TSPAN15: variants seen among roughly 807,000 people sequenced by gnomAD.
TSPAN15 encodes tetraspanin-15.
A neutral mutation model predicts 34.5 loss-of-function variants in TSPAN15; 20 were observed. The ratio of observed to expected loss-of-function variants is 0.58; its 90% CI spans 0.41 to 0.84. The LOEUF is 0.84. Among genes scored for constraint, TSPAN15 ranks in the 40% least tolerant of loss-of-function variants. The pLI, the probability that TSPAN15 is intolerant of heterozygous loss-of-function variation, is 0.00. For synonymous variants in TSPAN15, 155 were observed against 153.9 expected, an observed-to-expected ratio of 1.01 and a Z score of -0.05; for missense variants, 313 against 386.1, an observed-to-expected ratio of 0.81 and a Z score of 1.59.
At chr10:69,484,594 C>T (rs780990320) in intron 2 of TSPAN15, among the ~76,000 whole-genome samples, 5 of 152,208 alleles carry the variant, frequency 3.3e-5, no homozygotes, top group Non-Finnish European at 5.9e-5. Flanking sequence ...CACTGTAAAC[C>T]GGGTTTGGGT....
intron 3 of TSPAN15, among the ~76,000 whole-genome samples, chr10:69,488,045 A>G (rs568549223): frequency 2.2e-4 from 34 of 152,326 alleles, no homozygotes; most frequent in Admixed American, 1.5e-3. Flanking sequence ...GATCGCTACA[A>G]TGAAAAAAAT....
chr10:69,516,017 A>G, the TSPAN15 span, among the ~76,000 whole-genome samples: 5 of 152,232 alleles, frequency 3.3e-5, no homozygotes, highest in East Asian at 9.6e-4. Context: ...ATTATTGACT[A>G]AAAGAGTGAT....
the TSPAN15 span, among the ~76,000 whole-genome samples, chr10:69,544,088 C>T: frequency 6.6e-6 from 1 of 152,076 alleles, no homozygotes; most frequent in Non-Finnish European, 1.5e-5. Flanking sequence ...CCCTGTGGAA[C>T]AACCTGAGTG....
At chr10:69,482,251 G>C (rs1478951960) in intron 1 of TSPAN15, among the ~76,000 whole-genome samples, 1 of 152,204 alleles carries the variant, frequency 6.6e-6, no homozygotes, top group African/African-American at 2.4e-5. Context: ...AGAAGGAGAT[G>C]GGGGAGTAAG....
chr10:69,531,949 A>AC, the TSPAN15 span, among the ~76,000 whole-genome samples: 10,726 of 135,544 alleles, frequency 0.079, 486 homozygotes, highest in East Asian at 0.22. Context: ...ACAAAAAAAA[A>AC]ACAAAAAAAA....
chr10:69,516,455 A>AGGCCTCGG, the TSPAN15 span, among the ~76,000 whole-genome samples: 1 of 152,136 alleles, frequency 6.6e-6, no homozygotes, highest in African/African-American at 2.4e-5. Context: ...CACCAGAGGG[A>AGGCCTCGG]GGCCTCGGTC....
chr10:69,485,226 G>A lies in TSPAN15; in HGVS notation c.357+11G>A. ...ACCTTCCGGAACCAGGTGGGCCTGT[G>A]GATTTGTGTATCGGCCATGTGTGTA... On this transcript the variant is annotated intron_variant, in intron 3 of 7. Coordinates refer to ENST00000373290, the MANE Select transcript of TSPAN15 (RefSeq NM_012339.5). 6.2e-7 allele frequency: 1 copy of A among 1,613,852 alleles called. No homozygotes were observed. The highest frequency in any genetic ancestry group is 1.1e-5 in the South Asian group (1 of 91,070).
chr10:69,528,531 G>C, the TSPAN15 span, among the ~76,000 whole-genome samples: 2 of 148,804 alleles, frequency 1.3e-5, no homozygotes, highest in African/African-American at 4.9e-5. Context: ...TGCCCTGTTG[G>C]TGTTACAGTT....
chr10:69,470,538 G>A (rs1841482573), intron 1 of TSPAN15, among the ~76,000 whole-genome samples: 1 of 152,146 alleles, frequency 6.6e-6, no homozygotes. Context: ...GGTCACCACA[G>A]TAGCTCCCTG....
chr10:69,503,895 TTC>T, intron 5 of TSPAN15, among the ~76,000 whole-genome samples: 1 of 151,984 alleles, frequency 6.6e-6, no homozygotes, highest in East Asian at 1.9e-4. Flanking sequence ...TAGTCGGGAG[TTC>T]TGGAGAGCAC....
chr10:69,484,133 A>G (rs1056890501), intron 2 of TSPAN15: 2 of 399,954 alleles, frequency 5.0e-6, no homozygotes, highest in Admixed American at 3.9e-5. Flanking sequence ...GAGTAGGAAA[A>G]ACCACACTCA....
intron 3 of TSPAN15, 68 bp downstream of exon 3, chr10:69,485,283 C>G: frequency 1.5e-6 from 2 of 1,379,214 alleles, no homozygotes; most frequent in Non-Finnish European, 2.1e-6. Context: ...CTTGGGCTAA[C>G]TGGGGGTATG....
intron 1 of TSPAN15, among the ~76,000 whole-genome samples, chr10:69,468,591 C>T (rs1841439318): frequency 6.6e-6 from 1 of 151,160 alleles, no homozygotes; most frequent in Non-Finnish European, 1.5e-5. Flanking sequence ...CTGCCTGCTT[C>T]TGAGTTATCA....
At chr10:69,535,037 G>A in the TSPAN15 span, among the ~76,000 whole-genome samples, 6 of 152,134 alleles carry the variant, frequency 3.9e-5, no homozygotes, top group East Asian at 1.9e-4. Flanking sequence ...GGAAAACCCC[G>A]TATGAACTGT....
intron 4 of TSPAN15, 118 bp from the exon 5 acceptor site, chr10:69,498,162 C>G: frequency 1.2e-6 from 1 of 854,034 alleles, no homozygotes; most frequent in Non-Finnish European, 1.9e-6. Flanking sequence ...CAGCCTCTCC[C>G]TGCCCCAGGG....
intron 1 of TSPAN15, among the ~76,000 whole-genome samples, chr10:69,477,780 C>A (rs17569412): frequency 0.17 from 25,342 of 152,180 alleles, 2,654 homozygotes; most frequent in Non-Finnish European, 0.23. Context: ...GCTGGCCAGG[C>A]AGACGAGTTT....
chr10:69,506,775 G>A lies in TSPAN15; in HGVS notation c.736-54G>A. The stretch of plus-strand genomic sequence containing the variant: ...GTTTCTGGGAGCCGGGAGCTGCAGG[G>A]AGGGCTGCCCTGATTCCCAGCAGGC... On this transcript the variant is annotated intron_variant, in intron 7 of 7. Coordinates refer to ENST00000373290, the MANE Select transcript of TSPAN15 (RefSeq NM_012339.5). The surrounding 1 kb of genome is among the most constrained non-coding windows in gnomAD (Gnocchi z 4.7). 6.5e-7 allele frequency: 1 copy of A among 1,534,522 alleles called. No homozygotes were observed. The highest frequency in any genetic ancestry group is 2.4e-5 in the East Asian group (1 of 40,942).
chr10:69,502,412 C>T (rs180746968), intron 5 of TSPAN15, among the ~76,000 whole-genome samples: 165 of 152,270 alleles, frequency 1.1e-3, no homozygotes, highest in Non-Finnish European at 9.9e-4. Context: ...GGGGGCCTGT[C>T]GCGAAGGCCC....
chr10:69,463,900 A>G (rs1841325368), intron 1 of TSPAN15, among the ~76,000 whole-genome samples: 1 of 152,214 alleles, frequency 6.6e-6, no homozygotes. Flanking sequence ...TTGCAGATAT[A>G]ATTCAGTTCA....
Sources: allele counts gnomAD v4.1 joint callset (sites outside exome capture counted in the v4.1 genomes callset), GRCh38; gene constraint gnomAD v4.1.1; non-coding constraint Gnocchi (gnomAD v3.1); transcripts MANE v1.5; gene names NCBI Gene and HGNC (gene_info 2026-07-23, HGNC 2026-07-21).